The following KNG1 variants were observed in gnomAD, a reference collection of about 807,000 sequenced individuals.
KNG1 encodes kininogen 1.
In KNG1, 23 loss-of-function variants were observed where a neutral mutation model predicts 47.8. That is an observed-to-expected ratio of 0.48 (90% confidence interval 0.35 to 0.68). The LOEUF is 0.68. Among genes scored for constraint, KNG1 ranks in the 30% least tolerant of loss-of-function variants. The pLI is 0.01. For missense variants in KNG1, 762 were observed against 790.2 expected (o/e 0.96, Z 0.43); for synonymous variants, 277 against 277.0 (o/e 1.00, Z 0.00).
chr3:186,720,784 CTTTTTTTTTTT>C (rs1167537831), intron 2 of KNG1, among the ~76,000 whole-genome samples: 10 of 89,778 alleles, frequency 1.1e-4, no homozygotes, highest in African/African-American at 4.1e-4. Context: ...TGTTGTTTTG[CTTTTTTTTTTT>C]TTTTTTTTTT....
Position 186,725,069 on chromosome 3 carries a change from T to C in KNG1, c.392-19T>C. 6.2e-7 allele frequency: 1 copy of C among 1,613,720 alleles called. No individual in the cohort carries two copies. Among genetic ancestry groups the C allele is most frequent in the Non-Finnish European group, 8.5e-7 (1 of 1,179,864 alleles). On this transcript the variant is annotated intron_variant, in intron 3 of 9. Transcript: ENST00000644859. ...GATTGCGATCATTAATGCTGTGTTT[T>C]TGTCTGCTCTTTGTTAAGCCGAGGG... is the stretch of plus-strand genomic sequence containing the variant.
intron 7 of KNG1, chr3:186,736,445 G>A (rs147854955): frequency 5.3e-5 from 8 of 152,120 alleles, no homozygotes; most frequent in Admixed American, 2.0e-4. Flanking sequence ...TTGATTCCAC[G>A]TTGGGTTCAT....
At chr3:186,739,572 G>T (rs1024845089) in intron 9 of KNG1, among the ~76,000 whole-genome samples, 158 bp downstream of exon 9, 2 of 152,136 alleles carry the variant, frequency 1.3e-5, no homozygotes, top group Non-Finnish European at 2.9e-5. Flanking sequence ...CTGTTTAATG[G>T]CTAGAAAGAA....
Position 186,741,867 on chromosome 3 carries a change from C to A in KNG1, c.1471C>A (p.Leu491Ile), listed in dbSNP as rs375284071. 5.0e-6 allele frequency: 8 copies of A among 1,613,704 alleles called. No homozygotes were observed. The South Asian group carries it at 8.8e-5, about 18-fold the overall frequency. Residue 491 changes from leucine to isoleucine, a missense_variant, in exon 10 of 10, where the codon CTT becomes ATT. Coordinates refer to ENST00000644859, the MANE Select transcript of KNG1 (RefSeq NM_001102416.3). ...TCTTGAACACCAAGGGGGCCATGTC[C>A]TTGACCATGGACATAAGCATAAGCA... is the stretch of plus-strand genomic sequence containing the variant. ...DDLEHQGGHV[L>I]DHGHKHKHGH...
In KNG1 at chr3:186,743,480, C is replaced by G. The variant is rs1270532597; in HGVS notation, c.*1149C>G. The G allele has an allele frequency of 5.5e-6, 3 of 548,494 alleles. No individual in the cohort carries two copies. The African/African-American group carries it at 5.7e-5, about 10-fold the overall frequency. 34.0% of individuals were successfully genotyped at this position (548,494 alleles called of 1,614,324 possible). A position where few individuals can be genotyped will look rare whatever the true frequency, so the allele number is the denominator to read the frequency against. ...TTTTGCCTAGAAAAACAAGATATGG[C>G]TTTAAATAGCTACAATCATCTTTGG... On this transcript the variant is annotated 3_prime_UTR_variant, in exon 10 of 10. Coordinates refer to ENST00000644859, the MANE Select transcript of KNG1 (RefSeq NM_001102416.3).
chr3:186,725,321 T>TA, intron 4 of KNG1, 61 bp downstream of exon 4: 2 of 1,489,148 alleles, frequency 1.3e-6, no homozygotes, highest in Non-Finnish European at 1.9e-6. Flanking sequence ...TCTTTACATT[T>TA]AAAATGTATG....
rs146074149 is a variant in KNG1, at chr3:186,720,296, C to T, written c.306+81C>T. On this transcript the variant is annotated intron_variant, in intron 2 of 9. Transcript: ENST00000644859. ...TTTTTTACTGATGCAGAAATGATGG[C>T]TACTGGTGAGCCTGTTTATGAGAAA... 38 of 849,886 alleles carry T rather than the reference C, an allele frequency of 4.5e-5. No homozygotes were observed. The African/African-American group carries it at 5.0e-4, about 11-fold the overall frequency. The allele number at this position is 849,886 out of a possible 1,614,324, so 52.6% of individuals were successfully genotyped here. A position where few individuals can be genotyped will look rare whatever the true frequency, so the allele number is the denominator to read the frequency against.
At chr3:186,732,450 G>A in intron 6 of KNG1, 52 bp from the exon 7 acceptor site, 2 of 1,565,002 alleles carry the variant, frequency 1.3e-6, no homozygotes, top group African/African-American at 1.4e-5. Flanking sequence ...AGGGATGCTA[G>A]GCCAGGCTGC....
rs781276880 is a variant in KNG1 at position 186,719,982 on chromosome 3, A to G, written c.196-123A>G. On this transcript the variant is annotated intron_variant, in intron 1 of 9. Coordinates refer to ENST00000644859, the MANE Select transcript of KNG1 (RefSeq NM_001102416.3). Reference sequence around the variant, plus strand: ...ATGTTTATGATAGAAATATAAATATATTTTAAGTGAATGCTTTGCTCTCAA... The same window carrying G: ...ATGTTTATGATAGAAATATAAATATGTTTTAAGTGAATGCTTTGCTCTCAA... The G allele has an allele frequency of 4.7e-5, 34 of 719,838 alleles. 1 individual carries two copies. The highest frequency in any genetic ancestry group is 1.2e-4 in the Admixed American group (6 of 50,498). The allele number at this position is 719,838 out of a possible 1,614,324, so 44.6% of individuals were successfully genotyped here.
chr3:186,737,150 C>T (rs1720690828), intron 7 of KNG1, among the ~76,000 whole-genome samples: 1 of 152,238 alleles, frequency 6.6e-6, no homozygotes, highest in African/African-American at 2.4e-5. Flanking sequence ...TGCCACGTAT[C>T]ATCAATTTTT....
rs1342041199 is a variant in KNG1, at chr3:186,743,632, CA to C, written c.*1303del. The C allele has an allele frequency of 1.8e-6, 2 of 1,098,960 alleles. No individual in the cohort carries two copies. The highest frequency in any genetic ancestry group is 4.8e-5 in the East Asian group (2 of 41,754). 68.1% of individuals were successfully genotyped at this position (1,098,960 alleles called of 1,614,324 possible). ...ATGTCAGGAAAAAGTCTTACCTTGT[CA>C]ACTGGTTGCTCCACTTTTTAAAAAT... On this transcript the variant is annotated 3_prime_UTR_variant, in exon 10 of 10. Transcript: ENST00000644859.
In KNG1 at chr3:186,742,552, C is replaced by G; in HGVS notation, c.*221C>G. On this transcript the variant is annotated 3_prime_UTR_variant, in exon 10 of 10. Coordinates refer to ENST00000644859, the MANE Select transcript of KNG1 (RefSeq NM_001102416.3). ...CTAACTCTTTTCTGAATCTTCTTCCCAAGTTTTCTAAACTAGCACAGTAAA... is the reference window on the plus strand; with the variant it reads ...CTAACTCTTTTCTGAATCTTCTTCCGAAGTTTTCTAAACTAGCACAGTAAA... The G allele has an allele frequency of 2.2e-6, 3 of 1,386,620 alleles. No homozygotes were observed. The highest frequency in any genetic ancestry group is 2.8e-6 in the Non-Finnish European group (3 of 1,072,976). 85.9% of individuals were successfully genotyped at this position (1,386,620 alleles called of 1,614,324 possible).
In KNG1 at chr3:186,743,412, C is replaced by A; in HGVS notation, c.*1081C>A. 1 of 395,106 alleles carries A rather than the reference C, an allele frequency of 2.5e-6. No individual in the cohort carries two copies. The highest frequency in any genetic ancestry group is 3.7e-5 in the Admixed American group (1 of 26,828). 24.5% of individuals were successfully genotyped at this position (395,106 alleles called of 1,614,324 possible). A position where few individuals can be genotyped will look rare whatever the true frequency, so the allele number is the denominator to read the frequency against. On this transcript the variant is annotated 3_prime_UTR_variant, in exon 10 of 10. Transcript: ENST00000644859. ...AATAATAGGATTGCCTTTCATTGCC[C>A]TATAGTGCAAAGAAGGTATATGCTT...
chr3:186,730,665 AAAAAAAAAAAAAAAAAAAATATATATAT>A (rs1316232664), intron 5 of KNG1, among the ~76,000 whole-genome samples: 33 of 73,790 alleles, frequency 4.5e-4, no homozygotes, highest in South Asian at 3.4e-3. Context: ...CAAAAAAAAA[AAAAAAAAAAAAAAAAAAAATATATATAT>A]ATATATATAT....
At chr3:186,738,865 A>G (rs1720732290) in intron 7 of KNG1, 4 of 444,926 alleles carry the variant, frequency 9.0e-6, no homozygotes, top group Non-Finnish European at 1.6e-5. Context: ...AAAATAAAGA[A>G]AATTATAGCT....
chr3:186,724,248 G>A (rs1376775161), intron 3 of KNG1, among the ~76,000 whole-genome samples: 1 of 152,068 alleles, frequency 6.6e-6, no homozygotes, highest in Non-Finnish European at 1.5e-5. Context: ...TGTGTTTACC[G>A]CTTACATGGC....
chr3:186,729,927 C>T (rs1460513176), intron 5 of KNG1, among the ~76,000 whole-genome samples: 1 of 152,140 alleles, frequency 6.6e-6, no homozygotes. Flanking sequence ...CTGCCTCAGC[C>T]TCCCAAAGTG....
chr3:186,737,868 T>G (rs1720707275), intron 7 of KNG1, among the ~76,000 whole-genome samples: 1 of 152,122 alleles, frequency 6.6e-6, no homozygotes, highest in African/African-American at 2.4e-5. Context: ...CCAACACATT[T>G]AAATACTATG....
chr3:186,728,604 A>G (rs1176207909), intron 5 of KNG1: 2 of 152,246 alleles, frequency 1.3e-5, no homozygotes, highest in Admixed American at 6.5e-5. Flanking sequence ...GATGGAAAAC[A>G]AATTATGACA....
Sources: gnomAD v4.1 joint callset for allele counts (sites outside exome capture counted in the v4.1 genomes callset) on GRCh38, gnomAD v4.1.1 for gene constraint, MANE v1.5 for transcripts, NCBI Gene and HGNC (gene_info 2026-07-23, HGNC 2026-07-21) for gene names.